SUGCT: variants seen among roughly 807,000 people sequenced by gnomAD.
The protein encoded by SUGCT is succinyl-CoA:glutarate CoA-transferase.
SUGCT carries 41 observed loss-of-function variants against 55.0 expected under a neutral mutation model. The ratio of observed to expected loss-of-function variants is 0.74; its 90% confidence interval spans 0.58 to 0.97. SUGCT has a LOEUF of 0.97. Among genes scored for constraint, SUGCT ranks in the 50% least tolerant of loss-of-function variants. The pLI is 0.00. For missense variants in SUGCT, 568 were observed against 547.8 expected (o/e 1.04, Z -0.37); for synonymous variants, 187 against 200.4 (o/e 0.93, Z 0.56).
At chr7:41,029,755 A>G in the SUGCT span, among the ~76,000 whole-genome samples, 35 of 152,264 alleles carry the variant, frequency 2.3e-4, no homozygotes, top group African/African-American at 7.9e-4. Context: ...TTATTACACT[A>G]TTATTAACCA....
intron 7 of SUGCT, among the ~76,000 whole-genome samples, chr7:40,253,627 A>T (rs1030853124): frequency 3.3e-5 from 5 of 151,774 alleles, no homozygotes; most frequent in African/African-American, 1.2e-4. Flanking sequence ...CAGTGGCTCC[A>T]CCTGTGCTCA....
chr7:40,684,882 G>C (rs904842517), intron 12 of SUGCT, among the ~76,000 whole-genome samples: 2 of 152,222 alleles, frequency 1.3e-5, no homozygotes, highest in African/African-American at 4.8e-5. Context: ...CCAGGCTGGA[G>C]TGCAGTGGTG....
chr7:40,216,963 T>C (rs932271780), intron 6 of SUGCT, among the ~76,000 whole-genome samples: 1 of 152,172 alleles, frequency 6.6e-6, no homozygotes, highest in Non-Finnish European at 1.5e-5. Flanking sequence ...TGTAAGTATT[T>C]TCTTTGTGGT....
intron 12 of SUGCT, among the ~76,000 whole-genome samples, chr7:40,543,091 A>T (rs750625206): frequency 6.6e-6 from 1 of 152,156 alleles, no homozygotes; most frequent in Non-Finnish European, 1.5e-5. Context: ...GTCCATGTGA[A>T]CTAATGTTTC....
intron 7 of SUGCT, among the ~76,000 whole-genome samples, chr7:40,254,995 G>A (rs867154842): frequency 2.0e-5 from 3 of 151,236 alleles, no homozygotes; most frequent in Admixed American, 6.6e-5. Flanking sequence ...AAGGTGGGGC[G>A]GGGGGAGCAT....
intron 8 of SUGCT, among the ~76,000 whole-genome samples, chr7:40,278,602 T>A (rs143052403): frequency 3.3e-4 from 50 of 152,262 alleles, no homozygotes; most frequent in African/African-American, 1.1e-3. Context: ...GCTCTGTTTT[T>A]CTCTGTTTGC....
chr7:41,036,279 C>A, the SUGCT span, among the ~76,000 whole-genome samples: 1 of 152,152 alleles, frequency 6.6e-6, no homozygotes, highest in African/African-American at 2.4e-5. Flanking sequence ...AATTAAGGCA[C>A]CTTTCGAGAA....
intron 12 of SUGCT, among the ~76,000 whole-genome samples, chr7:40,672,890 T>C (rs1802011745): frequency 6.6e-6 from 1 of 152,188 alleles, no homozygotes; most frequent in Non-Finnish European, 1.5e-5. Flanking sequence ...TTGATAAATG[T>C]ATAAATGATA....
chr7:40,984,061 G>A, the SUGCT span, among the ~76,000 whole-genome samples: 3 of 152,108 alleles, frequency 2.0e-5, no homozygotes, highest in African/African-American at 7.2e-5. Flanking sequence ...CAGAGCCCCA[G>A]TGGAAGCTCA....
At chr7:40,667,281 G>A (rs981435020) in intron 12 of SUGCT, among the ~76,000 whole-genome samples, 2 of 152,032 alleles carry the variant, frequency 1.3e-5, no homozygotes, top group Admixed American at 6.5e-5. Context: ...AGCCAATCTT[G>A]CATCCTAGGA....
intron 5 of SUGCT, among the ~76,000 whole-genome samples, chr7:40,192,805 T>G (rs1366522595): frequency 2.1e-5 from 3 of 144,810 alleles, no homozygotes; most frequent in Non-Finnish European, 3.0e-5. Context: ...CTAATTTTTG[T>G]AATTTTTAGT....
chr7:40,248,139 G>A (rs1449561980), intron 7 of SUGCT, among the ~76,000 whole-genome samples: 2 of 151,546 alleles, frequency 1.3e-5, no homozygotes, highest in African/African-American at 4.8e-5. Context: ...AGCCTCCCAA[G>A]TAGCTGGGAT....
chr7:40,881,822 G>T, the SUGCT span, among the ~76,000 whole-genome samples: 2 of 152,174 alleles, frequency 1.3e-5, no homozygotes, highest in Non-Finnish European at 2.9e-5. Context: ...CCACCCCAGG[G>T]AAAGCCGAAG....
intron 12 of SUGCT, among the ~76,000 whole-genome samples, chr7:40,577,535 T>A (rs1796836020): frequency 1.3e-5 from 2 of 152,160 alleles, no homozygotes; most frequent in South Asian, 2.1e-4. Flanking sequence ...GTGCTGTTTT[T>A]AAAAAATAGT....
chr7:40,385,180 T>C (rs1180087096), intron 9 of SUGCT, among the ~76,000 whole-genome samples: 1 of 152,160 alleles, frequency 6.6e-6, no homozygotes, highest in African/African-American at 2.4e-5. Context: ...ATATGAATTC[T>C]AAAATTAATA....
intron 12 of SUGCT, among the ~76,000 whole-genome samples, chr7:40,508,514 G>T (rs1792738342): frequency 6.6e-6 from 1 of 152,176 alleles, no homozygotes; most frequent in Non-Finnish European, 1.5e-5. Context: ...CACCTGCCTG[G>T]AGTAGACTGC....
At chr7:40,554,937 A>G (rs930380756) in intron 12 of SUGCT, among the ~76,000 whole-genome samples, 35 of 152,264 alleles carry the variant, frequency 2.3e-4, no homozygotes, top group Middle Eastern at 3.4e-3. Flanking sequence ...ACCATTCTGC[A>G]TATCCTGGCC....
At chr7:40,537,249 C>A (rs1308308943) in intron 12 of SUGCT, among the ~76,000 whole-genome samples, 1 of 152,154 alleles carries the variant, frequency 6.6e-6, no homozygotes, top group Admixed American at 6.5e-5. Flanking sequence ...GCTATAGCTG[C>A]GTGGCAGAAC....
At chr7:40,491,215 A>G (rs764185184) in intron 11 of SUGCT, among the ~76,000 whole-genome samples, 1 of 152,204 alleles carries the variant, frequency 6.6e-6, no homozygotes, top group Non-Finnish European at 1.5e-5. Flanking sequence ...TTGAGATACA[A>G]CTAACATTGG....
Sources: gnomAD v4.1 joint callset for allele counts (sites outside exome capture counted in the v4.1 genomes callset) on GRCh38, gnomAD v4.1.1 for gene constraint, MANE v1.5 for transcripts, NCBI Gene and HGNC (gene_info 2026-07-23, HGNC 2026-07-21) for gene names.